Variants in URB1 observed in about 807,000 individuals in gnomAD.
The protein encoded by URB1 is nucleolar pre-ribosomal-associated protein 1.
A neutral mutation model predicts 242.3 loss-of-function variants in URB1; 197 were observed. The ratio of observed to expected loss-of-function variants is 0.81; its 90% confidence interval spans 0.72 to 0.91. The LOEUF (loss-of-function observed/expected upper bound fraction) is 0.91, where lower values mean the gene tolerates loss of function less well. URB1 is among the 40% of genes least tolerant of loss of function. The probability of loss-of-function intolerance (pLI) is 0.00; values close to 1 mark genes in which losing one functional copy is unlikely to be tolerated. For synonymous variants in URB1, 1,153 were observed against 1,201.8 expected, an observed-to-expected ratio of 0.96 and a Z score of 0.84; for missense variants, 2,721 against 2,860.5, an observed-to-expected ratio of 0.95 and a Z score of 1.11.
intron 3 of URB1, among the ~76,000 whole-genome samples, chr21:32,383,964 G>C (rs1030969025): frequency 6.6e-6 from 1 of 152,170 alleles, no homozygotes; most frequent in African/African-American, 2.4e-5. Flanking sequence ...CTGAGCACCT[G>C]CTACATGCAA....
chr21:32,327,561 A>G (rs2032843929), intron 30 of URB1, among the ~76,000 whole-genome samples: 1 of 113,950 alleles, frequency 8.8e-6, no homozygotes, highest in Non-Finnish European at 1.9e-5. Context: ...AAGAAAAATG[A>G]TACCAGATAG....
rs186775750 is a variant in URB1 at position 32,365,638 on chromosome 21, A to T, written c.1335+980T>A. On this transcript the variant is annotated intron_variant, in intron 10 of 38. Coordinates refer to ENST00000382751, the MANE Select transcript of URB1 (RefSeq NM_014825.3). ...TTGCATACGATGATTTGACAAACAC[A>T]ACACAAAACCTTTCTGCCTACTCCC... is the stretch of plus-strand genomic sequence containing the variant. Among the ~76,000 whole-genome samples, 163 of 152,282 alleles carry T rather than the reference A, an allele frequency of 1.1e-3. 1 individual carries two copies. Among genetic ancestry groups the T allele is most frequent in the African/African-American group, 3.7e-3 (155 of 41,550 alleles).
chr21:32,347,703 C>G lies in URB1; in HGVS notation c.3121G>C (p.Val1041Leu), dbSNP rs1011666507. 59 of 1,551,254 alleles carry G rather than the reference C, an allele frequency of 3.8e-5. No homozygotes were observed. Among genetic ancestry groups the G allele is most frequent in the Non-Finnish European group, 5.0e-5 (57 of 1,147,008 alleles). ...LPPHTLSPVL[V>L]KLLATHFSAG... ...CTAAAGTGGGTGGCCAGGAGCTTCA[C>G]GAGGACAGGGCTGAGCGTGTGCGGC... is the stretch of plus-strand genomic sequence containing the variant. The change falls in exon 22 of 39, where the codon GTG becomes CTG. Residue 1041 changes from valine (V) to leucine (L), a missense_variant. Val to Leu is a conservative substitution (Grantham distance 32). Transcript: ENST00000382751.
chr21:32,351,085 G>C (rs1480707513), intron 19 of URB1, among the ~76,000 whole-genome samples, 163 bp from the exon 20 acceptor site: 1 of 152,254 alleles, frequency 6.6e-6, no homozygotes, highest in Non-Finnish European at 1.5e-5. Context: ...CTTCAGTAGA[G>C]TAAGTTCTCG....
Position 32,311,477 on chromosome 21 carries a change from T to G in URB1, c.*3441A>C. On this transcript the variant is annotated 3_prime_UTR_variant, in exon 39 of 39. Transcript: ENST00000382751. ...CTCCAGGGAAAGACCTGAGGCCTAG[T>G]TCCTGACAAAGCACTTCCTCTCCTC... 2.9e-6 allele frequency: 1 copy of G among 346,408 alleles called. No individual in the cohort carries two copies. The highest frequency in any genetic ancestry group is 2.3e-5 in the African/African-American group (1 of 42,576). The allele number at this position is 346,408 out of a possible 1,614,324, so 21.5% of individuals were successfully genotyped here. A position where few individuals can be genotyped will look rare whatever the true frequency, so the allele number is the denominator to read the frequency against.
At chr21:32,345,693 AC>A in intron 22 of URB1, 118 bp from the exon 23 acceptor site, 1 of 1,094,418 alleles carries the variant, frequency 9.1e-7, no homozygotes, top group Non-Finnish European at 1.3e-6. Context: ...TGGTGATGCC[AC>A]ACCGGTGGCC....
In URB1 at chr21:32,312,186, C is replaced by T; in HGVS notation, c.*2732G>A. On this transcript the variant is annotated 3_prime_UTR_variant, in exon 39 of 39. Coordinates refer to ENST00000382751, the MANE Select transcript of URB1 (RefSeq NM_014825.3). Reference sequence around the variant, plus strand: ...TGGCCCCTCGAGTGCAGAGGTCATCCCAGGTGTTGCTGAGTTTATTGAGCA... The same window carrying T: ...TGGCCCCTCGAGTGCAGAGGTCATCTCAGGTGTTGCTGAGTTTATTGAGCA... The T allele has an allele frequency of 6.7e-7, 1 of 1,498,032 alleles. No homozygotes were observed. Among genetic ancestry groups the T allele is most frequent in the Non-Finnish European group, 8.9e-7 (1 of 1,126,598 alleles). The allele number at this position is 1,498,032 out of a possible 1,614,324, so 92.8% of individuals were successfully genotyped here.
At chr21:32,378,299 C>T (rs944225209) in intron 5 of URB1, 146 bp downstream of exon 5, 1 of 690,758 alleles carries the variant, frequency 1.4e-6, no homozygotes, top group African/African-American at 1.8e-5. Context: ...TGCACCCGCT[C>T]ACCCACCTCC....
At chr21:32,325,421 C>T (rs1249596053) in intron 30 of URB1, 32 bp from the exon 31 acceptor site, 2 of 1,534,782 alleles carry the variant, frequency 1.3e-6, no homozygotes, top group Non-Finnish European at 1.8e-6. Flanking sequence ...ATGAAACACA[C>T]ACAATATGAT....
chr21:32,338,726 G>T lies in URB1; in HGVS notation c.4491C>A (p.Ser1497Arg). ...PTLLTSDGEESPDSQVKEALV... is the reference protein window; with the variant it reads ...PTLLTSDGEERPDSQVKEALV... The stretch of plus-strand genomic sequence containing the variant: ...GGTCACCTTTTACTTGGCTGTCCGG[G>T]CTCTCCTCTCCGTCAGACGTCAGTA... The change falls in exon 26 of 39, where the codon AGC becomes AGA. Residue 1497 changes from serine (S) to arginine (R), a missense_variant. Transcript: ENST00000382751. 1 of 1,551,480 alleles carries T rather than the reference G, an allele frequency of 6.4e-7. No individual in the cohort carries two copies. The highest frequency in any genetic ancestry group is 8.7e-7 in the Non-Finnish European group (1 of 1,146,946).
At chr21:32,364,062 T>C (rs143362158) in intron 10 of URB1, among the ~76,000 whole-genome samples, 1 of 151,440 alleles carries the variant, frequency 6.6e-6, no homozygotes, top group African/African-American at 2.4e-5. Flanking sequence ...AAAAAATGCA[T>C]CAGGTACTTT....
intron 1 of URB1, among the ~76,000 whole-genome samples, chr21:32,388,717 G>A (rs561086676): frequency 6.6e-6 from 1 of 152,270 alleles, no homozygotes; most frequent in African/African-American, 2.4e-5. Context: ...TGATAGCAAG[G>A]GCTGTTAATA....
Position 32,314,729 on chromosome 21 carries a change from C to T in URB1, c.*189G>A, listed in dbSNP as rs993267256. ...CTCTGATGCTGGGCACCTACAGGCC[C>T]GAGTTTATCATTTACTGGGCAGTTC... On this transcript the variant is annotated 3_prime_UTR_variant, in exon 39 of 39. Transcript: ENST00000382751. 6.8e-5 allele frequency: 103 copies of T among 1,509,960 alleles called. No individual in the cohort carries two copies. The highest frequency in any genetic ancestry group is 8.1e-5 in the Non-Finnish European group (88 of 1,090,696). The allele number at this position is 1,509,960 out of a possible 1,614,324, so 93.5% of individuals were successfully genotyped here. A position where few individuals can be genotyped will look rare whatever the true frequency, so the allele number is the denominator to read the frequency against.
chr21:32,385,241 CAT>C (rs1225999314), intron 2 of URB1, among the ~76,000 whole-genome samples: 7 of 152,214 alleles, frequency 4.6e-5, no homozygotes, highest in East Asian at 1.9e-4. Flanking sequence ...TGTGACACCA[CAT>C]GTTTATGTGT....
At position 32,337,114 on chromosome 21, in the gene URB1, C is replaced by T. The variant is rs1311673527; in HGVS notation, c.4665G>A (p.Lys1555=). The T allele has an allele frequency of 1.3e-6, 2 of 1,551,764 alleles. No individual in the cohort carries two copies. The highest frequency in any genetic ancestry group is 1.7e-6 in the Non-Finnish European group (2 of 1,147,030). The part of the protein sequence containing the change: ...LLLLRAYEQN[K]LSLINFRVLL... ...CTCACCTGAAGTTGATGAGGCTGAG[C>T]TTGTTCTGCTCATACGCTCGAAGCA... is the stretch of plus-strand genomic sequence containing the variant. The change falls in exon 28 of 39, where the codon AAG becomes AAA. Residue 1555 remains lysine (K), a synonymous_variant. Transcript: ENST00000382751.
At chr21:32,373,589 C>A (rs2033428154) in intron 7 of URB1, 58 bp downstream of exon 7, 1 of 1,500,828 alleles carries the variant, frequency 6.7e-7, no homozygotes, top group African/African-American at 1.4e-5. Context: ...CTCCCTCTCC[C>A]AACCCTGAGG....
Position 32,337,528 on chromosome 21 carries a change from A to G in URB1, c.4511-14T>C. The G allele has an allele frequency of 6.5e-7, 1 of 1,548,766 alleles. No individual in the cohort carries two copies. On this transcript the variant is annotated splice_polypyrimidine_tract_variant and intron_variant, in intron 26 of 38. Transcript: ENST00000382751. ...CCACCAGCGCTTCTGCAAGAAAACA[A>G]CCCTGAAACACATGGCATGGTGGGG... is the stretch of plus-strand genomic sequence containing the variant.
chr21:32,389,418 G>A (rs986612425), intron 1 of URB1, among the ~76,000 whole-genome samples: 1 of 152,214 alleles, frequency 6.6e-6, no homozygotes, highest in Admixed American at 6.5e-5. Flanking sequence ...TTGGAGCTCT[G>A]AAGGATCATT....
chr21:32,354,482 T>C (rs1008947603), intron 17 of URB1, among the ~76,000 whole-genome samples: 3 of 152,222 alleles, frequency 2.0e-5, no homozygotes, highest in Admixed American at 2.0e-4. Context: ...CTTTGCTATG[T>C]AGTAGCTGTA....
Sources: allele counts gnomAD v4.1 joint callset (sites outside exome capture counted in the v4.1 genomes callset), GRCh38; gene constraint gnomAD v4.1.1; transcripts MANE v1.5; gene names NCBI Gene and HGNC (gene_info 2026-07-23, HGNC 2026-07-21).